The following HTT variants were observed in gnomAD, a reference collection of about 807,000 sequenced individuals.
HTT encodes huntington disease protein.
HTT carries 104 observed loss-of-function variants against 362.3 expected under a neutral mutation model. The ratio of observed to expected loss-of-function variants is 0.29; its 90% CI spans 0.24 to 0.34. HTT has a LOEUF of 0.34. HTT is among the 10% of genes least tolerant of loss of function. The pLI is 1.00. For missense variants in HTT, 3,301 were observed against 3,928.6 expected (o/e 0.84, Z 4.27); for synonymous variants, 1,577 against 1,548.7 (o/e 1.02, Z -0.43).
intron 27 of HTT, 58 bp downstream of exon 27, chr4:3,154,477 A>C (rs577882128): frequency 1.9e-6 from 3 of 1,583,110 alleles, no homozygotes; most frequent in South Asian, 2.3e-5. Flanking sequence ...ATGTAGAAAC[A>C]TAGGATTTAA....
At chr4:3,107,666 G>A (rs1221308225) in intron 6 of HTT, among the ~76,000 whole-genome samples, 2 of 152,252 alleles carry the variant, frequency 1.3e-5, no homozygotes, top group African/African-American at 4.8e-5. Context: ...AATTGAAAAG[G>A]CATTTTTCCA....
intron 61 of HTT, among the ~76,000 whole-genome samples, 172 bp downstream of exon 61, chr4:3,233,525 G>A (rs1198404595): frequency 3.3e-5 from 5 of 152,222 alleles, no homozygotes; most frequent in South Asian, 2.1e-4. Flanking sequence ...GCACAGGTGC[G>A]TCCTAGAGGC....
At chr4:3,212,357 T>C (rs1183688347) in intron 48 of HTT, among the ~76,000 whole-genome samples, 2 of 152,208 alleles carry the variant, frequency 1.3e-5, no homozygotes, top group Non-Finnish European at 2.9e-5. Flanking sequence ...GACATAGGGC[T>C]CTAAGCCCTT....
chr4:3,201,712 A>C (rs1719542118), intron 41 of HTT, among the ~76,000 whole-genome samples: 1 of 152,164 alleles, frequency 6.6e-6, no homozygotes, highest in Non-Finnish European at 1.5e-5. Flanking sequence ...ATAAGTGTCC[A>C]AGATGCCCAT....
intron 41 of HTT, among the ~76,000 whole-genome samples, chr4:3,201,085 G>T (rs1250206032): frequency 6.6e-6 from 1 of 152,226 alleles, no homozygotes; most frequent in Non-Finnish European, 1.5e-5. Context: ...ATTTAGTTTG[G>T]AATTCAGCAA....
At chr4:3,237,422 A>G (rs1721591095) in intron 64 of HTT, among the ~76,000 whole-genome samples, 1 of 152,120 alleles carries the variant, frequency 6.6e-6, no homozygotes, top group Admixed American at 6.5e-5. Context: ...CAGTCCCCAT[A>G]TGCTCACTGA....
intron 53 of HTT, 122 bp from the exon 54 acceptor site, chr4:3,222,265 G>A (rs1720708576): frequency 1.4e-6 from 1 of 697,190 alleles, no homozygotes; most frequent in South Asian, 1.7e-5. Flanking sequence ...GAGGTTTAAG[G>A]GACTCACTGC....
At chr4:3,075,844 TTGAA>T (rs1346241663) in intron 1 of HTT, among the ~76,000 whole-genome samples, 1 of 151,210 alleles carries the variant, frequency 6.6e-6, no homozygotes, top group African/African-American at 2.5e-5. Context: ...CTGCAGGCGT[TTGAA>T]TGAGTTGTGG....
At chr4:3,086,127 C>G (rs1713195698) in intron 1 of HTT, among the ~76,000 whole-genome samples, 1 of 152,170 alleles carries the variant, frequency 6.6e-6, no homozygotes, top group Non-Finnish European at 1.5e-5. Flanking sequence ...CTCTTGTAAT[C>G]TATGCCATCA....
In HTT at chr4:3,187,643, T is replaced by C; in HGVS notation, c.4990-8T>C. ...TCAGCTGTGACTTATGTATTATGTT[T>C]ATTTTAGGCGTCCGTGAGCACTGTT... On this transcript the variant is annotated splice_region_variant and splice_polypyrimidine_tract_variant and intron_variant, in intron 38 of 66. Transcript: ENST00000355072. The C allele has an allele frequency of 6.2e-7, 1 of 1,604,712 alleles. No homozygotes were observed. Among genetic ancestry groups the C allele is most frequent in the East Asian group, 2.2e-5 (1 of 44,852 alleles).
Position 3,194,237 on chromosome 4 carries a change from A to T in HTT, c.5368+5144A>T, listed in dbSNP as rs139725843. Among the ~76,000 whole-genome samples, 1,003 of 152,336 alleles carry T rather than the reference A, an allele frequency of 6.6e-3. 2 individuals are homozygous for T. Among genetic ancestry groups the T allele is most frequent in the Middle Eastern group, 0.014 (4 of 294 alleles). On this transcript the variant is annotated intron_variant, in intron 40 of 66. Transcript: ENST00000355072. Reference sequence around the variant, plus strand: ...AATACCTGGTTCAGGAACTAGTCAGAATGGCACCCTTGACTTTTTGTTTCC... The same window carrying T: ...AATACCTGGTTCAGGAACTAGTCAGTATGGCACCCTTGACTTTTTGTTTCC...
intron 47 of HTT, among the ~76,000 whole-genome samples, chr4:3,210,327 A>G (rs1720092011): frequency 6.6e-6 from 1 of 152,230 alleles, no homozygotes; most frequent in African/African-American, 2.4e-5. Flanking sequence ...CTCCATGGCC[A>G]AGACAGAATG....
chr4:3,222,502 T>C lies in HTT; in HGVS notation c.7470+15T>C, dbSNP rs1205144801. The C allele has an allele frequency of 1.2e-6, 2 of 1,604,584 alleles. No individual in the cohort carries two copies. Among genetic ancestry groups the C allele is most frequent in the South Asian group, 2.2e-5 (2 of 90,856 alleles). On this transcript the variant is annotated intron_variant, in intron 54 of 66. Transcript: ENST00000355072. Reference sequence around the variant, plus strand: ...GCCCACCAGAAGTAAGGCCACACCCTGTGCTGGTTGGCACATGGGCAGTTA... The same window carrying C: ...GCCCACCAGAAGTAAGGCCACACCCCGTGCTGGTTGGCACATGGGCAGTTA...
intron 61 of HTT, among the ~76,000 whole-genome samples, chr4:3,234,483 TG>T (rs1721425754): frequency 6.6e-6 from 1 of 152,194 alleles, no homozygotes; most frequent in Non-Finnish European, 1.5e-5. Context: ...GACGTGATTT[TG>T]GGGGGCAGCC....
At chr4:3,238,762 C>A in intron 65 of HTT, 56 bp from the exon 66 acceptor site, 2 of 1,281,236 alleles carry the variant, frequency 1.6e-6, no homozygotes, top group Admixed American at 2.3e-5. Context: ...CCAGGCGCAG[C>A]AGGTGCTTCC....
At chr4:3,124,924 A>G (rs1715455228) in intron 10 of HTT, among the ~76,000 whole-genome samples, 1 of 152,212 alleles carries the variant, frequency 6.6e-6, no homozygotes, top group Non-Finnish European at 1.5e-5. Flanking sequence ...AGATTTAATG[A>G]GTTCAGTTTT....
chr4:3,187,531 G>A, intron 38 of HTT, 120 bp from the exon 39 acceptor site: 2 of 707,150 alleles, frequency 2.8e-6, no homozygotes, highest in Non-Finnish European at 4.9e-6. Context: ...CTCAGTGATA[G>A]AGAGGTTTAT....
rs765355875 is a variant in HTT at position 3,145,174 on chromosome 4, G to T, written c.3089G>T (p.Cys1030Phe). The T allele has an allele frequency of 5.6e-6, 9 of 1,613,776 alleles. No individual in the cohort carries two copies. Among genetic ancestry groups the T allele is most frequent in the Non-Finnish European group, 7.6e-6 (9 of 1,179,794 alleles). The change falls in exon 24 of 67, where the codon TGT (cysteine) becomes TTT (phenylalanine). Residue 1030 changes from cysteine (C) to phenylalanine (F), a missense_variant. This residue lies in a region of HTT where 2,316 missense variants were observed against 2,658.5 expected (regional missense o/e 0.87). Transcript: ENST00000355072. ...ALTFGCCEAL[C>F]LLSTAFPVCI... ...CAGTTTGGATGCTGTGAAGCTTTGTGTCTTCTTTCCACTGCCTTCCCAGTT... is the reference window on the plus strand; with the variant it reads ...CAGTTTGGATGCTGTGAAGCTTTGTTTCTTCTTTCCACTGCCTTCCCAGTT...
chr4:3,164,758 GCTTTCCATTTGCTTGTT>G (rs1168438017), intron 29 of HTT, among the ~76,000 whole-genome samples: 2 of 150,154 alleles, frequency 1.3e-5, no homozygotes, highest in East Asian at 3.9e-4. Context: ...CTTTTTTTTT[GCTTTCCATTTGCTTGTT>G]AGATCTTCCT....
Sources: gnomAD v4.1 joint callset for allele counts (sites outside exome capture counted in the v4.1 genomes callset) on GRCh38, gnomAD v4.1.1 for gene constraint, gnomAD v4.1.1 regional missense constraint, MANE v1.5 for transcripts, NCBI Gene and HGNC (gene_info 2026-07-23, HGNC 2026-07-21) for gene names.